Variants in WWP1 observed in about 807,000 individuals in gnomAD.
WWP1 encodes the protein NEDD4-like E3 ubiquitin-protein ligase WWP1.
In WWP1, 49 loss-of-function variants were observed where a neutral mutation model predicts 130.6. The observed-to-expected ratio is 0.38, with a 90% CI of 0.30 to 0.48. The LOEUF (loss-of-function observed/expected upper bound fraction) is 0.48, where lower values mean the gene tolerates loss of function less well. Ranked by LOEUF, WWP1 falls within the 20% of genes least tolerant of loss-of-function variation. The pLI is 0.99. For synonymous variants in WWP1, 332 were observed against 367.8 expected (o/e 0.90, Z 1.11); for missense variants, 809 against 1,100.6 (o/e 0.74, Z 3.75).
chr8:86,412,022 C>T (rs746475245), intron 9 of WWP1, 148 bp downstream of exon 9: 4 of 784,314 alleles, frequency 5.1e-6, no homozygotes, highest in South Asian at 4.1e-5. Context: ...TTACTTGCTA[C>T]AAAACAAGTA....
Position 86,398,274 on chromosome 8 carries a change from T to C in WWP1, c.335-68T>C, listed in dbSNP as rs1807788116. 4 of 1,489,872 alleles carry C rather than the reference T, an allele frequency of 2.7e-6. No homozygotes were observed. The Admixed American group carries it at 6.5e-5, about 24-fold the overall frequency. The allele number at this position is 1,489,872 out of a possible 1,614,324, so 92.3% of individuals were successfully genotyped here. A position where few individuals can be genotyped will look rare whatever the true frequency, so the allele number is the denominator to read the frequency against. On this transcript the variant is annotated intron_variant, in intron 5 of 24. Transcript: ENST00000517970. ...CTGAATTAGAGTGATTCTTGAAATG[T>C]AGGTTTGATTTCTGAAGCATTTTTA...
At chr8:86,420,309 T>G (rs10111031) in intron 9 of WWP1, among the ~76,000 whole-genome samples, 7,468 of 152,240 alleles carry the variant, frequency 0.049, 600 homozygotes, top group African/African-American at 0.17. Context: ...ACTGGAAAAG[T>G]ATTTGGGGTT....
chr8:86,403,725 T>A (rs1408373829), intron 8 of WWP1, among the ~76,000 whole-genome samples: 1 of 152,040 alleles, frequency 6.6e-6, no homozygotes, highest in Non-Finnish European at 1.5e-5. Context: ...TTTAATTTCT[T>A]TAATAATGCT....
chr8:86,417,936 C>T (rs901974777), intron 9 of WWP1, among the ~76,000 whole-genome samples: 1 of 152,062 alleles, frequency 6.6e-6, no homozygotes, highest in Admixed American at 6.6e-5. Context: ...AGTGGGAAGA[C>T]AAACAGTGGC....
intron 1 of WWP1, among the ~76,000 whole-genome samples, chr8:86,365,970 A>T (rs1442161136): frequency 2.0e-5 from 3 of 152,234 alleles, no homozygotes. Context: ...TTAACGTGGC[A>T]CTGGTAAAAT....
At chr8:86,464,055 T>A (rs1230417403) in intron 24 of WWP1, among the ~76,000 whole-genome samples, 1 of 151,834 alleles carries the variant, frequency 6.6e-6, no homozygotes, top group East Asian at 1.9e-4. Flanking sequence ...AGTAAGACCC[T>A]GTCTCAAAAA....
chr8:86,438,624 T>A lies in WWP1; in HGVS notation c.1789T>A (p.Tyr597Asn), dbSNP rs780667679. 1 of 1,608,630 alleles carries A rather than the reference T, an allele frequency of 6.2e-7. No homozygotes were observed. The highest frequency in any genetic ancestry group is 1.7e-5 in the Admixed American group (1 of 58,672). ...LKPYDLRRRLYVIFRGEEGLD... is the reference protein window; with the variant it reads ...LKPYDLRRRLNVIFRGEEGLD... ...ACCCTATGACTTGAGGAGGCGCTTA[T>A]ATGTAATATTTAGAGGAGAAGAAGG... The change falls in exon 17 of 25, where the codon TAT becomes AAT. Residue 597 changes from tyrosine (Y) to asparagine (N), a missense_variant. Tyr to Asn is a moderately radical substitution (Grantham distance 143, BLOSUM62 -2). Around this residue, in one of 3 missense-constraint regions of WWP1, gnomAD observed 450 missense variants for 674.2 expected, o/e 0.67. Transcript: ENST00000517970.
chr8:86,443,898 G>T (rs1810722848), intron 18 of WWP1, among the ~76,000 whole-genome samples: 1 of 152,084 alleles, frequency 6.6e-6, no homozygotes, highest in Non-Finnish European at 1.5e-5. Context: ...GAGAGAGAAT[G>T]TAATAGGAGA....
chr8:86,456,453 A>G (rs956490654), intron 21 of WWP1, among the ~76,000 whole-genome samples: 1 of 151,966 alleles, frequency 6.6e-6, no homozygotes, highest in Non-Finnish European at 1.5e-5. Context: ...TCCCAATAGG[A>G]TATACACAGA....
rs555585296 is a variant in WWP1 at position 86,370,855 on chromosome 8, CTTTTTTTTTTTTTTT to C, written c.-22+1838_-22+1852del. Among the ~76,000 whole-genome samples, 8 of 44,886 alleles carry C rather than the reference CTTTTTTTTTTTTTTT, an allele frequency of 1.8e-4. No homozygotes were observed. In the South Asian group the frequency reaches 5.2e-3, roughly 29 times the overall value. The allele number at this position is 44,886 out of a possible 152,430, so 29.4% of individuals were successfully genotyped here. A position where few individuals can be genotyped will look rare whatever the true frequency, so the allele number is the denominator to read the frequency against. ...GGTATTGCTTATAGCTATATTCATT[CTTTTTTTTTTTTTTT>C]TTTTTTTTTTTTTGAGACAGAGTCT... On this transcript the variant is annotated intron_variant, in intron 2 of 24. Coordinates refer to ENST00000517970, the MANE Select transcript of WWP1 (RefSeq NM_007013.4).
Position 86,435,617 on chromosome 8 carries a change from T to G in WWP1, c.1678-16T>G. On this transcript the variant is annotated splice_polypyrimidine_tract_variant and intron_variant, in intron 15 of 24. Transcript: ENST00000517970. ...CTATAACTCAGATGATATTATGATA[T>G]TATTTTTGTTTTTAGTCTAATGCAC... is the stretch of plus-strand genomic sequence containing the variant. 1 of 1,612,852 alleles carries G rather than the reference T, an allele frequency of 6.2e-7. No individual in the cohort carries two copies. The highest frequency in any genetic ancestry group is 8.5e-7 in the Non-Finnish European group (1 of 1,179,250).
At chr8:86,385,023 CA>C (rs11284469) in intron 5 of WWP1, among the ~76,000 whole-genome samples, 102,129 of 139,334 alleles carry the variant, frequency 0.73, 36,802 homozygotes, top group African/African-American at 0.81. Flanking sequence ...GACACTGTCT[CA>C]AAAAAAAAAA....
intron 9 of WWP1, among the ~76,000 whole-genome samples, chr8:86,414,227 C>CTG (rs35397366): frequency 0.3 from 44,622 of 150,954 alleles, 7,633 homozygotes; most frequent in East Asian, 0.41. Context: ...GTTTGTTTTT[C>CTG]TGTGTGTGTG....
At chr8:86,357,537 A>T (rs962357106) in intron 1 of WWP1, among the ~76,000 whole-genome samples, 2 of 152,200 alleles carry the variant, frequency 1.3e-5, no homozygotes, top group Admixed American at 6.5e-5. Flanking sequence ...TTCAGTAGCA[A>T]ATATGTATTA....
At chr8:86,359,834 G>A (rs953624622) in intron 1 of WWP1, among the ~76,000 whole-genome samples, 1 of 152,024 alleles carries the variant, frequency 6.6e-6, no homozygotes, top group East Asian at 1.9e-4. Context: ...CGGATCACGA[G>A]GTCAGGAGAT....
intron 3 of WWP1, among the ~76,000 whole-genome samples, chr8:86,378,414 T>G (rs1489183991): frequency 6.6e-6 from 1 of 152,120 alleles, no homozygotes; most frequent in African/African-American, 2.4e-5. Flanking sequence ...TATTACTAGA[T>G]TTTTTGAAGG....
chr8:86,387,485 ATATTTATT>A (rs769835999), intron 5 of WWP1, among the ~76,000 whole-genome samples: 9 of 151,802 alleles, frequency 5.9e-5, no homozygotes, highest in African/African-American at 1.4e-4. Flanking sequence ...TCATATATGT[ATATTTATT>A]TATTTATTTA....
At chr8:86,395,105 G>A (rs1177503670) in intron 5 of WWP1, among the ~76,000 whole-genome samples, 1 of 152,126 alleles carries the variant, frequency 6.6e-6, no homozygotes, top group Non-Finnish European at 1.5e-5. Flanking sequence ...CTACACTCTT[G>A]GGCGTACCAT....
intron 3 of WWP1, among the ~76,000 whole-genome samples, chr8:86,375,842 G>A (rs80327721): frequency 1.7e-3 from 255 of 152,252 alleles, no homozygotes; most frequent in Middle Eastern, 6.8e-3. Context: ...GTATTGCCAA[G>A]TTCCTCTCCA....
Sources: allele counts gnomAD v4.1 joint callset (sites outside exome capture counted in the v4.1 genomes callset), GRCh38; gene constraint gnomAD v4.1.1; regional missense constraint gnomAD v4.1.1; transcripts MANE v1.5; gene names NCBI Gene and HGNC (gene_info 2026-07-23, HGNC 2026-07-21).